The following ZNF700 variants were observed in gnomAD, a reference collection of about 807,000 sequenced individuals.
ZNF700 encodes the protein zinc finger protein 700.
A neutral mutation model predicts 65.3 loss-of-function variants in ZNF700; 38 were observed. The ratio of observed to expected loss-of-function variants is 0.58; its 90% CI spans 0.45 to 0.76. ZNF700 has a LOEUF of 0.76. ZNF700 is among the 30% of genes least tolerant of loss of function. The probability of loss-of-function intolerance (pLI) is 0.00; values close to 1 mark genes in which losing one functional copy is unlikely to be tolerated. For missense variants in ZNF700, 857 were observed against 888.4 expected (o/e 0.96, Z 0.45); for synonymous variants, 285 against 290.4 (o/e 0.98, Z 0.19).
At position 11,950,397 on chromosome 19, in the gene ZNF700, G is replaced by C. The variant is rs899721228; in HGVS notation, c.*144G>C. 1.1e-6 allele frequency: 1 copy of C among 888,206 alleles called. No individual in the cohort carries two copies. Among genetic ancestry groups the C allele is most frequent in the African/African-American group, 1.7e-5 (1 of 59,520 alleles). The allele number at this position is 888,206 out of a possible 1,614,324, so 55.0% of individuals were successfully genotyped here. On this transcript the variant is annotated 3_prime_UTR_variant, in exon 4 of 4. Coordinates refer to ENST00000254321, the MANE Select transcript of ZNF700 (RefSeq NM_144566.3). ...CTGGGGAGAAACCCTATCAATGTAA[G>C]CAGTGTGGGAAAGCCTTCATTCCTT...
intron 1 of ZNF700, among the ~76,000 whole-genome samples, chr19:11,933,778 G>T (rs1184018558): frequency 6.9e-6 from 1 of 145,660 alleles, no homozygotes; most frequent in Admixed American, 6.7e-5. Flanking sequence ...CCAGGAGGCG[G>T]AGCTTGCAGT....
intron 1 of ZNF700, among the ~76,000 whole-genome samples, chr19:11,933,335 A>G (rs899170955): frequency 1.3e-5 from 2 of 148,436 alleles, no homozygotes; most frequent in Non-Finnish European, 2.9e-5. Context: ...AATATATTAC[A>G]TGTGAACACG....
At chr19:11,941,420 G>A (rs1050184403) in intron 1 of ZNF700, among the ~76,000 whole-genome samples, 1 of 152,222 alleles carries the variant, frequency 6.6e-6, no homozygotes, top group Non-Finnish European at 1.5e-5. Context: ...ATGATGGGCT[G>A]CAGGTCCCGA....
chr19:11,950,457 G>A lies in ZNF700; in HGVS notation c.*204G>A, dbSNP rs74917756. The A allele has an allele frequency of 0.015, 10,353 of 685,556 alleles. 105 individuals are homozygous for A. The highest frequency in any genetic ancestry group is 0.024 in the South Asian group (1,431 of 59,414). The allele number at this position is 685,556 out of a possible 1,614,324, so 42.5% of individuals were successfully genotyped here. A position where few individuals can be genotyped will look rare whatever the true frequency, so the allele number is the denominator to read the frequency against. On this transcript the variant is annotated 3_prime_UTR_variant, in exon 4 of 4. Coordinates refer to ENST00000254321, the MANE Select transcript of ZNF700 (RefSeq NM_144566.3). ...TTCAATGTCATGAAAGGACTCACAC[G>A]GGAGAGAAACCCTATGAGTGTATTC...
chr19:11,933,140 A>G (rs534473772), intron 1 of ZNF700, among the ~76,000 whole-genome samples: 2 of 147,584 alleles, frequency 1.4e-5, no homozygotes, highest in African/African-American at 5.3e-5. Flanking sequence ...TTGACTGGCC[A>G]GGTGCTGTGC....
At chr19:11,929,177 T>C (rs958062175) in intron 1 of ZNF700, among the ~76,000 whole-genome samples, 1 of 148,216 alleles carries the variant, frequency 6.7e-6, no homozygotes, top group Non-Finnish European at 1.5e-5. Context: ...TTTTTGTTGT[T>C]TGTTTTGAGA....
In ZNF700 at chr19:11,932,839, G is replaced by A. The variant is rs1170372901; in HGVS notation, c.63+7566G>A. 2.7e-5 allele frequency among the ~76,000 whole-genome samples: 4 copies of A among 147,254 alleles called. No individual in the cohort carries two copies. The East Asian group carries it at 5.8e-4, about 21-fold the overall frequency. ...TTTTTAGTAGAGACGGGGTTTCACCGTGTTAGCCAGGATGGTCTCAATATC... is the reference window on the plus strand; with the variant it reads ...TTTTTAGTAGAGACGGGGTTTCACCATGTTAGCCAGGATGGTCTCAATATC... On this transcript the variant is annotated intron_variant, in intron 1 of 3. Transcript: ENST00000254321.
chr19:11,929,916 T>C (rs576569868), intron 1 of ZNF700, among the ~76,000 whole-genome samples: 8 of 148,358 alleles, frequency 5.4e-5, no homozygotes, highest in South Asian at 2.1e-4. Context: ...CAGGATGTCT[T>C]TGGGATGAGG....
chr19:11,928,048 A>G (rs867666914), intron 1 of ZNF700, among the ~76,000 whole-genome samples: 20 of 151,924 alleles, frequency 1.3e-4, no homozygotes, highest in African/African-American at 4.8e-4. Flanking sequence ...CCCAGCCTAG[A>G]GCAGTGGTGC....
At chr19:11,942,030 G>T (rs1972893386) in intron 1 of ZNF700, among the ~76,000 whole-genome samples, 2 of 152,162 alleles carry the variant, frequency 1.3e-5, no homozygotes, top group South Asian at 4.1e-4. Context: ...TGCACTTAGG[G>T]TGCCAGGTTT....
intron 1 of ZNF700, among the ~76,000 whole-genome samples, chr19:11,941,284 G>A (rs1972878808): frequency 1.3e-5 from 2 of 152,254 alleles, no homozygotes; most frequent in South Asian, 4.1e-4. Context: ...CCAGTCCCGC[G>A]CCATGCGCCC....
At chr19:11,932,989 A>G (rs569639793) in intron 1 of ZNF700, among the ~76,000 whole-genome samples, 3 of 148,662 alleles carry the variant, frequency 2.0e-5, no homozygotes, top group South Asian at 2.1e-4. Flanking sequence ...TGAACCTTAC[A>G]TGGAATGATA....
intron 1 of ZNF700, among the ~76,000 whole-genome samples, chr19:11,935,467 G>A (rs1048754866): frequency 8.6e-5 from 13 of 151,966 alleles, no homozygotes; most frequent in East Asian, 2.0e-4. Context: ...TCCTGACCTC[G>A]ATGATCCACC....
rs1972607744 is a variant in ZNF700, at chr19:11,925,290, A to G, written c.63+17A>G. 3 of 1,610,306 alleles carry G rather than the reference A, an allele frequency of 1.9e-6. No individual in the cohort carries two copies. Among genetic ancestry groups the G allele is most frequent in the East Asian group, 4.5e-5 (2 of 44,702 alleles). On this transcript the variant is annotated intron_variant, in intron 1 of 3. Coordinates refer to ENST00000254321, the MANE Select transcript of ZNF700 (RefSeq NM_144566.3). ...CGGGAAATGGTGCGTGTGCGGGACC[A>G]GATGTCGTGAGACGGGGGAGGGGCT...
At chr19:11,925,431 G>C (rs1214478478) in intron 1 of ZNF700, among the ~76,000 whole-genome samples, 158 bp downstream of exon 1, 1 of 152,188 alleles carries the variant, frequency 6.6e-6, no homozygotes, top group African/African-American at 2.4e-5. Flanking sequence ...TTGGCCGCTG[G>C]ACGGGGCTGG....
At chr19:11,942,536 G>A (rs887214386) in intron 1 of ZNF700, among the ~76,000 whole-genome samples, 5 of 152,146 alleles carry the variant, frequency 3.3e-5, no homozygotes, top group African/African-American at 4.8e-5. Context: ...GGCCAGGAGC[G>A]TCAGCAGACT....
chr19:11,933,168 A>G (rs553799077), intron 1 of ZNF700, among the ~76,000 whole-genome samples: 1 of 147,018 alleles, frequency 6.8e-6, no homozygotes, highest in South Asian at 2.1e-4. Flanking sequence ...CTGTAATTCT[A>G]CCACTTAGAG....
chr19:11,950,132 A>C lies in ZNF700; in HGVS notation c.2108A>C (p.His703Pro), dbSNP rs199737061. The part of the protein sequence containing the change: ...IHARTHIGEK[H>P]YECKECGKAF... ...GCAAGAACACACATTGGAGAGAAAC[A>C]CTATGAATGTAAGGAATGCGGAAAA... is the stretch of plus-strand genomic sequence containing the variant. Residue 703 changes from histidine to proline, a missense_variant, in exon 4 of 4, where the codon CAC becomes CCC. Physicochemically the swap from His to Pro is moderately conservative, Grantham distance 77. This residue lies in a region of ZNF700 where 251 missense variants were observed against 250.3 expected (regional missense o/e 1.00). Transcript: ENST00000254321. 124 of 1,614,052 alleles carry C rather than the reference A, an allele frequency of 7.7e-5. No individual in the cohort carries two copies. The highest frequency in any genetic ancestry group is 1.0e-4 in the Non-Finnish European group (121 of 1,179,994).
At chr19:11,926,043 TGA>T (rs1394799961) in intron 1 of ZNF700, among the ~76,000 whole-genome samples, 1 of 152,056 alleles carries the variant, frequency 6.6e-6, no homozygotes, top group Non-Finnish European at 1.5e-5. Context: ...GGCAGCTGGT[TGA>T]GAGTGTGAAG....
Sources: gnomAD v4.1 joint callset for allele counts (sites outside exome capture counted in the v4.1 genomes callset) on GRCh38, gnomAD v4.1.1 for gene constraint, gnomAD v4.1.1 regional missense constraint, MANE v1.5 for transcripts, NCBI Gene and HGNC (gene_info 2026-07-23, HGNC 2026-07-21) for gene names.